Variants in MTSS1 observed in about 807,000 individuals in gnomAD.
MTSS1 encodes the protein protein MTSS 1.
A neutral mutation model predicts 79.0 loss-of-function variants in MTSS1; 18 were observed. The ratio of observed to expected loss-of-function variants is 0.23; its 90% CI spans 0.16 to 0.34. MTSS1 has a LOEUF of 0.34. Ranked by LOEUF, MTSS1 falls within the 10% of genes least tolerant of loss-of-function variation. The pLI is 1.00. For missense variants in MTSS1, 815 were observed against 986.2 expected, an observed-to-expected ratio of 0.83 and a Z score of 2.33; for synonymous variants, 341 against 368.6, an observed-to-expected ratio of 0.93 and a Z score of 0.86.
chr8:124,691,912 C>G lies in MTSS1; in HGVS notation c.208+7614G>C, dbSNP rs532036976. ...TTCAGTTCCAGACCTAAAAGAAGGG[C>G]CTTTTATATGATGTTTTTAATTTGA... On this transcript the variant is annotated intron_variant, in intron 3 of 13. Transcript: ENST00000518547. 5.3e-5 allele frequency among the ~76,000 whole-genome samples: 8 copies of G among 151,992 alleles called. No individual in the cohort carries two copies. In the South Asian group the frequency reaches 1.7e-3, roughly 32 times the overall value.
chr8:124,616,483 C>T (rs566610372), intron 3 of MTSS1, among the ~76,000 whole-genome samples: 129 of 152,134 alleles, frequency 8.5e-4, no homozygotes, highest in Middle Eastern at 3.4e-3. Flanking sequence ...ACCCAACCCC[C>T]ATATGTCAGT....
Position 124,556,219 on chromosome 8 carries a change from A to T in MTSS1, c.1404+13T>A. On this transcript the variant is annotated intron_variant, in intron 12 of 13. Transcript: ENST00000518547. ...AGGTGGCCCCAACCAGCTACTGAGA[A>T]CAAGAGCATCACCCTGGTGGCAGCC... is the stretch of plus-strand genomic sequence containing the variant. 6.2e-7 allele frequency: 1 copy of T among 1,614,186 alleles called. No homozygotes were observed. Among genetic ancestry groups the T allele is most frequent in the Non-Finnish European group, 8.5e-7 (1 of 1,180,018 alleles).
intron 10 of MTSS1, chr8:124,558,898 A>G: frequency 2.0e-6 from 3 of 1,473,590 alleles, no homozygotes; most frequent in Non-Finnish European, 2.7e-6. Flanking sequence ...CCAAAATATA[A>G]TAAATAAAAA....
intron 6 of MTSS1, among the ~76,000 whole-genome samples, chr8:124,575,388 T>C (rs1828766992): frequency 6.6e-6 from 1 of 152,204 alleles, no homozygotes; most frequent in African/African-American, 2.4e-5. Flanking sequence ...AATAACAGTA[T>C]TGAGCTCACA....
chr8:124,558,809 G>A (rs912339262), intron 10 of MTSS1: 24 of 1,568,694 alleles, frequency 1.5e-5, no homozygotes, highest in Middle Eastern at 1.7e-4. Context: ...CCGAGGCTTC[G>A]GAGGAGGCCG....
rs1268008015 is a variant in MTSS1, at chr8:124,556,461, CG to C, written c.1231-57del. 2.0e-6 allele frequency: 3 copies of C among 1,537,854 alleles called. No homozygotes were observed. In the African/African-American group the frequency reaches 4.1e-5, roughly 21 times the overall value. On this transcript the variant is annotated intron_variant, in intron 11 of 13. Coordinates refer to ENST00000518547, the MANE Select transcript of MTSS1 (RefSeq NM_014751.6). Reference sequence around the variant, plus strand: ...GGCCTCTGCCTCCACTGGAGGGCTGCGGGGACCCCATAGACAGCTCCCCAGA... The same window carrying C: ...GGCCTCTGCCTCCACTGGAGGGCTGCGGGACCCCATAGACAGCTCCCCAGA...
rs546926874 is a variant in MTSS1 at position 124,579,273 on chromosome 8, G to T, written c.460+5814C>A. 1.2e-4 allele frequency among the ~76,000 whole-genome samples: 18 copies of T among 152,308 alleles called. No homozygotes were observed. In the East Asian group the frequency reaches 3.1e-3, roughly 26 times the overall value. ...GTCCTCAAAAGGCTGTGTACTACAT[G>T]ATTCCATTTGTATAAAATGTCCAGA... On this transcript the variant is annotated intron_variant, in intron 6 of 13. Transcript: ENST00000518547.
At chr8:124,570,881 C>T (rs1235322611) in intron 6 of MTSS1, among the ~76,000 whole-genome samples, 1 of 152,058 alleles carries the variant, frequency 6.6e-6, no homozygotes, top group African/African-American at 2.4e-5. Context: ...GCTTTATTGG[C>T]CAGACGGTCT....
intron 3 of MTSS1, among the ~76,000 whole-genome samples, chr8:124,675,260 A>T (rs1825067936): frequency 6.6e-6 from 1 of 152,218 alleles, no homozygotes; most frequent in African/African-American, 2.4e-5. Context: ...AGATGCATAG[A>T]AAACAGGAAA....
chr8:124,619,195 G>A (rs759307714), intron 3 of MTSS1: 4 of 152,156 alleles, frequency 2.6e-5, no homozygotes, highest in Non-Finnish European at 5.9e-5. Context: ...CAGGCGTCCC[G>A]GCAGCTCCCA....
intron 3 of MTSS1, among the ~76,000 whole-genome samples, chr8:124,675,380 C>G (rs1004449523): frequency 3.3e-5 from 5 of 152,222 alleles, no homozygotes; most frequent in African/African-American, 4.8e-5. Flanking sequence ...GTGTTTGGTT[C>G]TCCCTCTGAC....
chr8:124,655,726 T>C (rs188123835), intron 3 of MTSS1, among the ~76,000 whole-genome samples: 2 of 152,088 alleles, frequency 1.3e-5, no homozygotes, highest in East Asian at 3.9e-4. Flanking sequence ...ACCCAAGCAA[T>C]AGGCTGCTTA....
chr8:124,556,291 G>A lies in MTSS1; in HGVS notation c.1345C>T (p.Pro449Ser). 1 of 1,614,236 alleles carries A rather than the reference G, an allele frequency of 6.2e-7. No individual in the cohort carries two copies. The highest frequency in any genetic ancestry group is 8.5e-7 in the Non-Finnish European group (1 of 1,180,038). The change falls in exon 12 of 14, where the codon CCT becomes TCT. Residue 449 changes from proline to serine, a missense_variant. This residue lies in a region of MTSS1 where 590 missense variants were observed against 620.8 expected (regional missense o/e 0.95). Transcript: ENST00000518547. ...GGGPTTASGPPAAAEEAQRPR... is the reference protein window; with the variant it reads ...GGGPTTASGPSAAAEEAQRPR... Reference sequence around the variant, plus strand: ...CTCTGAGCCTCCTCAGCTGCTGCAGGTGGGCCGCTGGCGGTAGTGGGTCCT... The same window carrying A: ...CTCTGAGCCTCCTCAGCTGCTGCAGATGGGCCGCTGGCGGTAGTGGGTCCT...
At chr8:124,592,513 C>T (rs1176548030) in intron 3 of MTSS1, among the ~76,000 whole-genome samples, 1 of 152,126 alleles carries the variant, frequency 6.6e-6, no homozygotes, top group African/African-American at 2.4e-5. Flanking sequence ...TATTAGTACT[C>T]GTGACATTAC....
chr8:124,672,922 GAAAGAAAAAGGGCA>G (rs1824553482), intron 3 of MTSS1, among the ~76,000 whole-genome samples: 1 of 151,118 alleles, frequency 6.6e-6, no homozygotes, highest in Non-Finnish European at 1.5e-5. Flanking sequence ...TATATATGGA[GAAAGAAAAAGGGCA>G]TGATGAAGAA....
chr8:124,654,827 A>G lies in MTSS1; in HGVS notation c.208+44699T>C, dbSNP rs540265489. ...TTTCCTTACATTCCTCATCAGCCCTATGAAGTATCTTCTGTCTACTTTAGC... is the reference window on the plus strand; with the variant it reads ...TTTCCTTACATTCCTCATCAGCCCTGTGAAGTATCTTCTGTCTACTTTAGC... On this transcript the variant is annotated intron_variant, in intron 3 of 13. Coordinates refer to ENST00000518547, the MANE Select transcript of MTSS1 (RefSeq NM_014751.6). Among the ~76,000 whole-genome samples, 19 of 152,296 alleles carry G rather than the reference A, an allele frequency of 1.2e-4. No homozygotes were observed. The South Asian group carries it at 2.9e-3, about 23-fold the overall frequency.
chr8:124,603,408 A>G (rs2133070124), intron 3 of MTSS1, among the ~76,000 whole-genome samples: 1 of 152,376 alleles, frequency 6.6e-6, no homozygotes. Context: ...TCTCTTGTTC[A>G]GGGAAACTCA....
intron 3 of MTSS1, among the ~76,000 whole-genome samples, chr8:124,619,932 T>TTTTTC (rs138460701): frequency 0.08 from 11,928 of 149,610 alleles, 618 homozygotes; most frequent in African/African-American, 0.13. Flanking sequence ...AGCACAACTG[T>TTTTTC]TTTTCTTTTC....
rs1833962269 is a variant in MTSS1, at chr8:124,727,819, G to A, written c.72+65C>T. On this transcript the variant is annotated intron_variant, in intron 1 of 13. Coordinates refer to ENST00000518547, the MANE Select transcript of MTSS1 (RefSeq NM_014751.6). The surrounding 1 kb of genome is among the most constrained non-coding windows in gnomAD (Gnocchi z 4.7). ...GCCGGGTGCCCGGCCCGGGGTGGAG[G>A]CGAAGCGCGGCGGCGAGGTCAGAGC... is the stretch of plus-strand genomic sequence containing the variant. The A allele has an allele frequency of 5.7e-6, 8 of 1,402,596 alleles. 1 individual carries two copies. The highest frequency in any genetic ancestry group is 2.8e-5 in the East Asian group (1 of 35,312). 86.9% of individuals were successfully genotyped at this position (1,402,596 alleles called of 1,614,324 possible).
Sources: gnomAD v4.1 joint callset for allele counts (sites outside exome capture counted in the v4.1 genomes callset) on GRCh38, gnomAD v4.1.1 for gene constraint, gnomAD v4.1.1 regional missense constraint, Gnocchi (gnomAD v3.1) non-coding constraint, MANE v1.5 for transcripts, NCBI Gene and HGNC (gene_info 2026-07-23, HGNC 2026-07-21) for gene names.